SCN1A: variants seen among roughly 807,000 people sequenced by gnomAD.
The protein encoded by SCN1A is sodium channel protein type 1 subunit alpha.
SCN1A carries 13 observed loss-of-function variants against 193.7 expected under a neutral mutation model. The observed-to-expected ratio is 0.07, with a 90% confidence interval of 0.04 to 0.11. The LOEUF (loss-of-function observed/expected upper bound fraction) is 0.11, where lower values mean the gene tolerates loss of function less well. Ranked by LOEUF, SCN1A falls within the 10% of genes least tolerant of loss-of-function variation. The probability of loss-of-function intolerance (pLI) is 1.00; values close to 1 mark genes in which losing one functional copy is unlikely to be tolerated. For missense variants in SCN1A, 1,432 were observed against 2,451.1 expected (o/e 0.58, Z 8.78); for synonymous variants, 781 against 843.6 (o/e 0.93, Z 1.29).
intron 18 of SCN1A, among the ~76,000 whole-genome samples, chr2:166,036,982 G>A (rs937278800): frequency 6.6e-6 from 1 of 152,174 alleles, no homozygotes; most frequent in African/African-American, 2.4e-5. Context: ...AAGATTAGGA[G>A]CTTAACATAG....
At chr2:166,080,478 G>A (rs1685398536) in intron 2 of SCN1A, among the ~76,000 whole-genome samples, 1 of 151,804 alleles carries the variant, frequency 6.6e-6, no homozygotes, top group Non-Finnish European at 1.5e-5. Flanking sequence ...CAAAGTGCAT[G>A]TTAGCAAACT....
intron 1 of SCN1A, among the ~76,000 whole-genome samples, chr2:166,135,735 T>G: frequency 6.6e-6 from 1 of 152,184 alleles, no homozygotes; most frequent in Non-Finnish European, 1.5e-5. Context: ...GGCAAGTGAC[T>G]AGGGAAAAGG....
At position 166,073,495 on chromosome 2, in the gene SCN1A, C is replaced by G; in HGVS notation, c.127G>C (p.Asp43His). 1 of 1,614,158 alleles carries G rather than the reference C, an allele frequency of 6.2e-7. No homozygotes were observed. Among genetic ancestry groups the G allele is most frequent in the Non-Finnish European group, 8.5e-7 (1 of 1,180,024 alleles). ...GGCTTTGGGCCATTTTCGTCGTCAT[C>G]TTTTTTGTCTGGTTTGGGATTCTTT... Reference protein sequence around the residue: ...KAKNPKPDKKDDDENGPKPNS... With the variant: ...KAKNPKPDKKHDDENGPKPNS... Residue 43 changes from aspartate to histidine, a missense_variant, in exon 4 of 29, where the codon GAT becomes CAT. Physicochemically the swap from Asp to His is moderately conservative, Grantham distance 81. Transcript: ENST00000674923.
At chr2:166,130,209 TC>T (rs1347101169), upstream of SCN1A, among the ~76,000 whole-genome samples, 2 of 152,196 alleles carry the variant, frequency 1.3e-5, no homozygotes, top group Non-Finnish European at 2.9e-5. Flanking sequence ...TTCATTAGCT[TC>T]AAGAAAGTTG....
chr2:166,043,365 C>A (rs931118863), intron 14 of SCN1A, among the ~76,000 whole-genome samples: 1 of 152,162 alleles, frequency 6.6e-6, no homozygotes, highest in Non-Finnish European at 1.5e-5. Context: ...ATACCAGAGC[C>A]TTGGAGAATG....
At chr2:166,093,569 T>A (rs1687057686) in intron 2 of SCN1A, among the ~76,000 whole-genome samples, 1 of 152,154 alleles carries the variant, frequency 6.6e-6, no homozygotes, top group Admixed American at 6.5e-5. Flanking sequence ...GGTCTCAACC[T>A]CCTGACCTCA....
At chr2:166,008,065 CA>C (rs1238421373) in intron 23 of SCN1A, among the ~76,000 whole-genome samples, 4 of 151,104 alleles carry the variant, frequency 2.6e-5, no homozygotes, top group African/African-American at 9.7e-5. Flanking sequence ...TAAATCTGAC[CA>C]TTTAAACTAT....
At chr2:166,027,093 G>T (rs1018800285) in intron 19 of SCN1A, 6 of 152,050 alleles carry the variant, frequency 3.9e-5, no homozygotes, top group African/African-American at 1.5e-4. Flanking sequence ...ACACTGACTT[G>T]TATCATCCAT....
chr2:166,103,448 CTTAAATAA>C (rs1688348211), intron 2 of SCN1A, among the ~76,000 whole-genome samples: 1 of 128,278 alleles, frequency 7.8e-6, no homozygotes, highest in South Asian at 2.5e-4. Context: ...AAGACTCTGT[CTTAAATAA>C]ATAAATAAAT....
At chr2:166,011,225 AG>A (rs1039736775) in intron 22 of SCN1A, among the ~76,000 whole-genome samples, 1 of 151,202 alleles carries the variant, frequency 6.6e-6, no homozygotes, top group African/African-American at 2.4e-5. Flanking sequence ...TCTTAGCTCA[AG>A]AAACACTTTC....
chr2:165,995,883 C>T lies in SCN1A; in HGVS notation c.4581+130G>A, dbSNP rs901042561. ...ATTATCATAAAAGATACAAACATCA[C>T]TTTTAGATGATGCTCTACAAGTGAA... On this transcript the variant is annotated intron_variant, in intron 27 of 28. Coordinates refer to ENST00000674923, the MANE Select transcript of SCN1A (RefSeq NM_001165963.4). The T allele has an allele frequency of 4.4e-6, 3 of 675,968 alleles. No individual in the cohort carries two copies. The African/African-American group carries it at 5.5e-5, about 12-fold the overall frequency. The allele number at this position is 675,968 out of a possible 1,614,324, so 41.9% of individuals were successfully genotyped here. A position where few individuals can be genotyped will look rare whatever the true frequency, so the allele number is the denominator to read the frequency against.
rs538410291 is a variant in SCN1A, at chr2:165,990,396, G to A, written c.*849C>T. 5 of 152,294 alleles carry A rather than the reference G, an allele frequency of 3.3e-5. No homozygotes were observed. The highest frequency in any genetic ancestry group is 1.2e-4 in the African/African-American group (5 of 41,364). The allele number at this position is 152,294 out of a possible 1,614,324, so 9.4% of individuals were successfully genotyped here. A position where few individuals can be genotyped will look rare whatever the true frequency, so the allele number is the denominator to read the frequency against. On this transcript the variant is annotated 3_prime_UTR_variant, in exon 29 of 29. Transcript: ENST00000674923. ...TTGGTCAATTCAGTCTTCTGGCGGT[G>A]GAGGGTGAGGGGCAATATTCACTAT...
In SCN1A at chr2:165,992,529, T is replaced by TAAAAGAAGAC; in HGVS notation, c.4853-108_4853-107insGTCTTCTTTT. 17 of 973,990 alleles carry TAAAAGAAGAC rather than the reference T, an allele frequency of 1.7e-5. No homozygotes were observed. The Admixed American group carries it at 3.5e-4, about 20-fold the overall frequency. The allele number at this position is 973,990 out of a possible 1,614,324, so 60.3% of individuals were successfully genotyped here. ...TAAGGTTCAGAGTCCTGAACCCAGT[T>TAAAAGAAGAC]ATATTAAATATGACAACTATATATA... On this transcript the variant is annotated intron_variant, in intron 28 of 28. Transcript: ENST00000674923. This position sits in a 1 kb window ranked among gnomAD's most constrained non-coding sequence, Gnocchi z 6.5.
chr2:166,044,995 C>T (rs1432862309), intron 13 of SCN1A, 48 bp downstream of exon 13: 2 of 1,595,488 alleles, frequency 1.3e-6, no homozygotes, highest in Admixed American at 1.7e-5. Flanking sequence ...CCCTCTCTCC[C>T]ATGTTTTAAT....
intron 2 of SCN1A, among the ~76,000 whole-genome samples, chr2:166,108,845 G>C (rs1235716805): frequency 6.6e-6 from 1 of 152,104 alleles, no homozygotes; most frequent in Non-Finnish European, 1.5e-5. Flanking sequence ...TTTCTTTTTA[G>C]CTCAATGGAA....
At chr2:166,012,946 C>A (rs1029474129) in intron 21 of SCN1A, among the ~76,000 whole-genome samples, 1 of 151,022 alleles carries the variant, frequency 6.6e-6, no homozygotes, top group Non-Finnish European at 1.5e-5. Flanking sequence ...GAAAATATTT[C>A]TTTCTTCAGA....
chr2:166,021,616 C>A (rs1288246633), intron 19 of SCN1A, among the ~76,000 whole-genome samples: 2 of 152,092 alleles, frequency 1.3e-5, no homozygotes, highest in Non-Finnish European at 2.9e-5. Context: ...ACAAGAAAGG[C>A]ATTAAGCTTA....
At chr2:166,121,591 T>A (rs1206578731) in intron 2 of SCN1A, among the ~76,000 whole-genome samples, 2 of 152,192 alleles carry the variant, frequency 1.3e-5, no homozygotes, top group Admixed American at 1.3e-4. Flanking sequence ...ACCTAATTAA[T>A]TGCCTTTATT....
chr2:166,107,651 C>G (rs1045338383), intron 2 of SCN1A, among the ~76,000 whole-genome samples: 2 of 152,024 alleles, frequency 1.3e-5, no homozygotes, highest in Non-Finnish European at 2.9e-5. Flanking sequence ...GAAGAGAACA[C>G]AACTTGGCTA....
Sources: gnomAD v4.1 joint callset for allele counts (sites outside exome capture counted in the v4.1 genomes callset) on GRCh38, gnomAD v4.1.1 for gene constraint, Gnocchi (gnomAD v3.1) non-coding constraint, MANE v1.5 for transcripts, NCBI Gene and HGNC (gene_info 2026-07-23, HGNC 2026-07-21) for gene names.